Variants in PRKCE observed in about 807,000 individuals in gnomAD.
PRKCE encodes the protein protein kinase C epsilon.
Under a neutral mutation model 85.4 loss-of-function variants are expected in PRKCE, and 16 were observed. That is an observed-to-expected ratio of 0.19 (90% CI 0.13 to 0.28). The LOEUF is 0.28. PRKCE is among the 10% of genes least tolerant of loss of function. The pLI, the probability that PRKCE is intolerant of heterozygous loss-of-function variation, is 1.00. For missense variants in PRKCE, 573 were observed against 975.2 expected (o/e 0.59, Z 5.49); for synonymous variants, 388 against 371.5 (o/e 1.04, Z -0.51).
chr2:45,973,152 G>A (rs1165066263), intron 2 of PRKCE, among the ~76,000 whole-genome samples: 3 of 152,232 alleles, frequency 2.0e-5, no homozygotes, highest in African/African-American at 7.2e-5. Context: ...GGAGGGAAAT[G>A]CTGAAGGGAT....
chr2:46,118,003 T>C (rs904543034), intron 11 of PRKCE, among the ~76,000 whole-genome samples: 1 of 152,198 alleles, frequency 6.6e-6, no homozygotes, highest in African/African-American at 2.4e-5. Flanking sequence ...ACCTCTAAGA[T>C]CTACCCTAGC....
intron 10 of PRKCE, among the ~76,000 whole-genome samples, chr2:46,017,072 AC>A (rs1422902330): frequency 2.6e-5 from 4 of 151,950 alleles, no homozygotes; most frequent in Admixed American, 6.6e-5. Flanking sequence ...ATAATATAAA[AC>A]GTGCCATCTT....
chr2:45,688,791 TTTG>T (rs1270290592), intron 1 of PRKCE, among the ~76,000 whole-genome samples: 2 of 152,240 alleles, frequency 1.3e-5, no homozygotes, highest in African/African-American at 2.4e-5. Context: ...TTTCTAATTA[TTTG>T]TTATGATAAT....
chr2:45,960,409 C>G (rs1486857198), intron 2 of PRKCE, among the ~76,000 whole-genome samples: 1 of 152,172 alleles, frequency 6.6e-6, no homozygotes, highest in Non-Finnish European at 1.5e-5. Context: ...CCTTTTGGTA[C>G]CAGGGACTGG....
intron 1 of PRKCE, among the ~76,000 whole-genome samples, chr2:45,710,539 G>A (rs1313309214): frequency 6.6e-6 from 1 of 152,188 alleles, no homozygotes; most frequent in Admixed American, 6.5e-5. Context: ...TTTCCTGCAT[G>A]TTTTTCTCTT....
chr2:46,124,841 G>A (rs1182550103), intron 11 of PRKCE, among the ~76,000 whole-genome samples: 3 of 152,092 alleles, frequency 2.0e-5, no homozygotes, highest in African/African-American at 7.2e-5. Context: ...AAAATATCAC[G>A]TGCCCCAAAA....
chr2:46,060,988 C>T (rs1667061308), intron 10 of PRKCE, among the ~76,000 whole-genome samples: 1 of 151,886 alleles, frequency 6.6e-6, no homozygotes, highest in Non-Finnish European at 1.5e-5. Flanking sequence ...TCTTGAACTC[C>T]CGACCTCAAG....
In PRKCE at chr2:45,861,573, A is replaced by T. The variant is rs957437194; in HGVS notation, c.412+18510A>T. Among the ~76,000 whole-genome samples the T allele has an allele frequency of 5.9e-5, 9 of 152,250 alleles. No individual in the cohort carries two copies. In the South Asian group the frequency reaches 1.9e-3, roughly 32 times the overall value. On this transcript the variant is annotated intron_variant, in intron 2 of 14. Transcript: ENST00000306156. ...TCGCATGAGGCTTCAGGTCCCCAAG[A>T]CTGGCTTATTTTCAGTGTTACTAAA...
At chr2:45,806,955 C>G (rs1688290954) in intron 1 of PRKCE, among the ~76,000 whole-genome samples, 2 of 152,158 alleles carry the variant, frequency 1.3e-5, no homozygotes, top group African/African-American at 4.8e-5. Context: ...GCCTAGAGAG[C>G]CACTGTGGGT....
chr2:45,764,740 C>G (rs375292224), intron 1 of PRKCE, among the ~76,000 whole-genome samples: 66 of 152,118 alleles, frequency 4.3e-4, no homozygotes, highest in African/African-American at 1.4e-3. Context: ...ATGCCAGAAA[C>G]TTGAGGCTGG....
At chr2:46,151,260 C>T (rs375855401) in intron 13 of PRKCE, 31 bp downstream of exon 13, 140 of 1,538,696 alleles carry the variant, frequency 9.1e-5, no homozygotes, top group Non-Finnish European at 1.2e-4. Flanking sequence ...CATGGCTGTG[C>T]TCTCCTGGGC....
chr2:45,743,688 T>TC lies in PRKCE; in HGVS notation c.348+91245dup, dbSNP rs924718735. Among the ~76,000 whole-genome samples, 15 of 152,224 alleles carry TC rather than the reference T, an allele frequency of 9.9e-5. 1 individual carries two copies. The highest frequency in any genetic ancestry group is 3.6e-4 in the African/African-American group (15 of 41,452). The stretch of plus-strand genomic sequence containing the variant: ...CCGTATTGTGGGCGTGGGTATCTTT[T>TC]CCCCCGACTGCTTCTTTCAAAACCT... On this transcript the variant is annotated intron_variant, in intron 1 of 14. Transcript: ENST00000306156.
intron 1 of PRKCE, among the ~76,000 whole-genome samples, chr2:45,731,265 C>T (rs1681549386): frequency 6.6e-6 from 1 of 152,210 alleles, no homozygotes; most frequent in South Asian, 2.1e-4. Flanking sequence ...ACAACTCAGC[C>T]TCTTGGGCTC....
chr2:45,922,845 C>T (rs1460579134), intron 2 of PRKCE, among the ~76,000 whole-genome samples: 1 of 152,224 alleles, frequency 6.6e-6, no homozygotes, highest in Admixed American at 6.5e-5. Context: ...AGAACCATCA[C>T]ACCTTTCTCT....
At chr2:45,741,198 T>C (rs928534182) in intron 1 of PRKCE, among the ~76,000 whole-genome samples, 119 of 152,210 alleles carry the variant, frequency 7.8e-4, no homozygotes, top group Non-Finnish European at 1.0e-4. Flanking sequence ...AGTCTTAGGC[T>C]GTAGGTAAGA....
At chr2:45,914,709 C>A (rs1697632156) in intron 2 of PRKCE, among the ~76,000 whole-genome samples, 1 of 152,122 alleles carries the variant, frequency 6.6e-6, no homozygotes, top group South Asian at 2.1e-4. Flanking sequence ...TTTAAAGAGT[C>A]CATAAAGTCT....
Position 46,006,754 on chromosome 2 carries a change from C to G in PRKCE, c.1064-708C>G, listed in dbSNP as rs1705233086. On this transcript the variant is annotated intron_variant, in intron 8 of 14. Transcript: ENST00000306156. ...CCCCAGGTAATTCAGGTCATAAGCTCTAGAGCGGGGCACAAGACTGTCTCG... is the reference window on the plus strand; with the variant it reads ...CCCCAGGTAATTCAGGTCATAAGCTGTAGAGCGGGGCACAAGACTGTCTCG... 2.6e-5 allele frequency among the ~76,000 whole-genome samples: 4 copies of G among 152,218 alleles called. No individual in the cohort carries two copies. The South Asian group carries it at 8.3e-4, about 32-fold the overall frequency.
intron 6 of PRKCE, among the ~76,000 whole-genome samples, chr2:45,985,947 G>C (rs572927160): frequency 6.6e-6 from 1 of 152,316 alleles, no homozygotes; most frequent in East Asian, 1.9e-4. Flanking sequence ...AGCAATTAAA[G>C]CTATAAAGTC....
At chr2:46,126,801 G>T (rs1328199053) in intron 11 of PRKCE, among the ~76,000 whole-genome samples, 1 of 152,106 alleles carries the variant, frequency 6.6e-6, no homozygotes, top group Admixed American at 6.5e-5. Context: ...AGCCCTTACT[G>T]GGAGCTGATG....
Sources: allele counts gnomAD v4.1 joint callset (sites outside exome capture counted in the v4.1 genomes callset), GRCh38; gene constraint gnomAD v4.1.1; transcripts MANE v1.5; gene names NCBI Gene and HGNC (gene_info 2026-07-23, HGNC 2026-07-21).